SYNE2: variants seen among roughly 807,000 people sequenced by gnomAD.
SYNE2 encodes the protein spectrin repeat containing nuclear envelope protein 2.
Under a neutral mutation model 856.3 loss-of-function variants are expected in SYNE2, and 431 were observed. The observed-to-expected ratio is 0.50, with a 90% CI of 0.47 to 0.55. SYNE2 has a LOEUF of 0.55. Among genes scored for constraint, SYNE2 ranks in the 20% least tolerant of loss-of-function variants. The pLI is 0.00. For missense variants in SYNE2, 8,129 were observed against 8,023.2 expected, an observed-to-expected ratio of 1.01 and a Z score of -0.50; for synonymous variants, 2,923 against 2,872.3, an observed-to-expected ratio of 1.02 and a Z score of -0.56.
intron 12 of SYNE2, 38 bp downstream of exon 12, chr14:63,976,765 A>G (rs1352972722): frequency 6.3e-6 from 10 of 1,594,066 alleles, no homozygotes; most frequent in Non-Finnish European, 8.6e-6. Context: ...GAAAATACAT[A>G]TTTTGTTAGG....
At position 63,764,229 on chromosome 14, in the gene SYNE2, A is replaced by T. The variant is rs75415278; in HGVS notation, c.-305+2243A>T. Among the ~76,000 whole-genome samples the T allele has an allele frequency of 9.5e-4, 144 of 152,312 alleles. 7 individuals are homozygous for T. In the East Asian group the frequency reaches 0.027, roughly 29 times the overall value. On this transcript the variant is annotated intron_variant, in intron 1 of 23. Transcript: ENST00000674003. ...ACTGGATTAATGACATATACCTGAA[A>T]GCTTAGAAGAGTGTTTTGCAAAGAG...
At chr14:63,856,957 A>G (rs376370498) in intron 1 of SYNE2, among the ~76,000 whole-genome samples, 32 of 152,106 alleles carry the variant, frequency 2.1e-4, no homozygotes, top group African/African-American at 7.2e-4. Flanking sequence ...TTTTGTAGAG[A>G]AGAGGTCTCA....
intron 1 of SYNE2, among the ~76,000 whole-genome samples, chr14:63,867,673 G>A (rs2140307470): frequency 1.3e-5 from 2 of 152,070 alleles, no homozygotes; most frequent in South Asian, 4.2e-4. Context: ...ACTCCAGCCT[G>A]GATGACAGAG....
chr14:64,208,801 C>T lies in SYNE2; in HGVS notation c.18245C>T (p.Ser6082Phe), dbSNP rs761824220. ...DIEQHSAGVE[S>F]VFNICDVLLH... ...GAACAACACAGCGCAGGGGTGGAGTCCGTGTTTAACATCTGTGACGTCCTA... is the reference window on the plus strand; with the variant it reads ...GAACAACACAGCGCAGGGGTGGAGTTCGTGTTTAACATCTGTGACGTCCTA... Residue 6082 changes from serine to phenylalanine, a missense_variant, in exon 101 of 116, where the codon TCC (serine) becomes TTC (phenylalanine). This residue lies in a region of SYNE2 where 5,410 missense variants were observed against 5,284.8 expected (regional missense o/e 1.02). Transcript: ENST00000555002. 1 of 1,614,202 alleles carries T rather than the reference C, an allele frequency of 6.2e-7. No individual in the cohort carries two copies. The highest frequency in any genetic ancestry group is 8.5e-7 in the Non-Finnish European group (1 of 1,180,036).
chr14:64,144,003 T>A (rs745969663), intron 83 of SYNE2, 55 bp downstream of exon 83: 2 of 1,606,386 alleles, frequency 1.2e-6, no homozygotes, highest in Non-Finnish European at 1.7e-6. Flanking sequence ...AAACACACTT[T>A]CTGAAAAATC....
intron 50 of SYNE2, among the ~76,000 whole-genome samples, chr14:64,064,103 GGGTGATGAAATGAAGTGA>G (rs1056612740): frequency 3.2e-4 from 48 of 152,150 alleles, no homozygotes; most frequent in Admixed American, 1.8e-3. Context: ...TACAATGCCT[GGGTGATGAAATGAAGTGA>G]GGTGATGAAA....
In SYNE2 at chr14:64,137,971, A is replaced by C. The variant is rs756265438; in HGVS notation, c.14831A>C (p.Lys4944Thr). Residue 4944 changes from lysine (K) to threonine (T), a missense_variant, in exon 79 of 116, where the codon AAG becomes ACG. Around this residue, in one of 3 missense-constraint regions of SYNE2, gnomAD observed 5,410 missense variants for 5,284.8 expected, o/e 1.02. Coordinates refer to ENST00000555002, the MANE Select transcript of SYNE2 (RefSeq NM_182914.3). ...CTCCACAGGCTGCAAGCTCTTCTCA[A>C]GCATCTGCTCAGGTCAGCCTTTTTG... Reference protein sequence around the residue: ...HELHRLQALLKHLLSYNRDSD... With the variant: ...HELHRLQALLTHLLSYNRDSD... The C allele has an allele frequency of 4.2e-5, 67 of 1,613,730 alleles. No individual in the cohort carries two copies. Among genetic ancestry groups the C allele is most frequent in the Non-Finnish European group, 5.4e-5 (64 of 1,179,864 alleles).
intron 76 of SYNE2, 29 bp downstream of exon 76, chr14:64,130,277 C>G (rs754900104): frequency 6.4e-7 from 1 of 1,556,812 alleles, no homozygotes. Context: ...TCGGGTGACC[C>G]CTTCATAGAC....
At position 64,141,209 on chromosome 14, in the gene SYNE2, GGT is replaced by G. The variant is rs59705430; in HGVS notation, c.14977-115_14977-114del. 8,743 of 609,810 alleles carry G rather than the reference GGT, an allele frequency of 0.014. 11 individuals carry two copies. The highest frequency in any genetic ancestry group is 0.024 in the African/African-American group (1,246 of 52,860). The allele number at this position is 609,810 out of a possible 1,614,324, so 37.8% of individuals were successfully genotyped here. A position where few individuals can be genotyped will look rare whatever the true frequency, so the allele number is the denominator to read the frequency against. On this transcript the variant is annotated intron_variant, in intron 80 of 115. Transcript: ENST00000555002. ...GTAATGCCCAACAGTAGGAAAAAGG[GGT>G]GTGTGTGTGTGTGTGTATACACATT... is the stretch of plus-strand genomic sequence containing the variant.
chr14:64,182,485 GATAAAC>G (rs1567569784), intron 96 of SYNE2, among the ~76,000 whole-genome samples: 1 of 152,184 alleles, frequency 6.6e-6, no homozygotes, highest in Non-Finnish European at 1.5e-5. Context: ...AAGGTCAGCA[GATAAAC>G]AAGTGAACAA....
chr14:63,961,718 T>G lies in SYNE2; in HGVS notation c.888+93T>G, dbSNP rs907053594. 5 of 897,914 alleles carry G rather than the reference T, an allele frequency of 5.6e-6. No homozygotes were observed. The African/African-American group carries it at 8.3e-5, about 15-fold the overall frequency. The allele number at this position is 897,914 out of a possible 1,614,324, so 55.6% of individuals were successfully genotyped here. On this transcript the variant is annotated intron_variant, in intron 9 of 115. Transcript: ENST00000555002. ...TCAAGATATAATTTGCATACAGAAC[T>G]TAAATGTACAGTTTAATGAGCATAC...
At chr14:64,186,067 TA>T (rs1450265448) in intron 96 of SYNE2, among the ~76,000 whole-genome samples, 2 of 152,180 alleles carry the variant, frequency 1.3e-5, no homozygotes, top group Non-Finnish European at 2.9e-5. Flanking sequence ...GTTTCAGGAT[TA>T]AAAATTGTAT....
intron 83 of SYNE2, 89 bp downstream of exon 83, chr14:64,144,037 CTGAT>C (rs1406656586): frequency 6.1e-6 from 9 of 1,474,940 alleles, no homozygotes; most frequent in African/African-American, 1.4e-5. Context: ...AATTAGTTGA[CTGAT>C]TATTAAGCCT....
chr14:64,026,518 T>A, intron 41 of SYNE2, 61 bp from the exon 42 acceptor site: 2 of 1,291,060 alleles, frequency 1.5e-6, no homozygotes, highest in Non-Finnish European at 2.2e-6. Context: ...AATAAAGAGA[T>A]AGCATGTAGT....
rs2097436230 is a variant in SYNE2 at position 64,074,061 on chromosome 14, T to C, written c.10791T>C (p.Asn3597=). 1 of 1,614,228 alleles carries C rather than the reference T, an allele frequency of 6.2e-7. No individual in the cohort carries two copies. Among genetic ancestry groups the C allele is most frequent in the Non-Finnish European group, 8.5e-7 (1 of 1,180,030 alleles). Residue 3597 remains asparagine, a synonymous_variant, in exon 53 of 116, where the codon AAT becomes AAC. Coordinates refer to ENST00000555002, the MANE Select transcript of SYNE2 (RefSeq NM_182914.3). ...CAAAAGAGATAATTGCTTTGAAGAA[T>C]TTCTTTCAACAGACCACAACTTCAT... The part of the protein sequence containing the change: ...SFTKEIIALK[N]FFQQTTTSFQ...
intron 65 of SYNE2, among the ~76,000 whole-genome samples, chr14:64,112,873 G>T (rs1469182993): frequency 6.6e-6 from 1 of 152,158 alleles, no homozygotes; most frequent in African/African-American, 2.4e-5. Flanking sequence ...TTAAAATTAT[G>T]TGGTATATTT....
chr14:63,830,839 T>TC (rs1889638882), intron 1 of SYNE2, among the ~76,000 whole-genome samples: 2 of 107,830 alleles, frequency 1.9e-5, no homozygotes, highest in African/African-American at 6.6e-5. Flanking sequence ...GTGATCCCAT[T>TC]CTTTTTTTTT....
chr14:64,063,816 A>T (rs577066730), intron 50 of SYNE2, among the ~76,000 whole-genome samples: 1 of 152,348 alleles, frequency 6.6e-6, no homozygotes, highest in African/African-American at 2.4e-5. Context: ...AAATAACAAA[A>T]TGTACAGTAG....
chr14:63,792,338 A>G (rs936676083), intron 1 of SYNE2, among the ~76,000 whole-genome samples: 2 of 152,172 alleles, frequency 1.3e-5, no homozygotes, highest in Admixed American at 6.6e-5. Context: ...TGGGGTCAGG[A>G]GTTCAAGACC....
Sources: gnomAD v4.1 joint callset for allele counts (sites outside exome capture counted in the v4.1 genomes callset) on GRCh38, gnomAD v4.1.1 for gene constraint, gnomAD v4.1.1 regional missense constraint, MANE v1.5 for transcripts, NCBI Gene and HGNC (gene_info 2026-07-23, HGNC 2026-07-21) for gene names.